The following KIF13A variants were observed in gnomAD, a reference collection of about 807,000 sequenced individuals.
The protein encoded by KIF13A is kinesin family member 13A.
A neutral mutation model predicts 212.2 loss-of-function variants in KIF13A; 79 were observed. The ratio of observed to expected loss-of-function variants is 0.37; its 90% CI spans 0.31 to 0.45. The LOEUF (loss-of-function observed/expected upper bound fraction) is 0.45. Ranked by LOEUF, KIF13A falls within the 20% of genes least tolerant of loss-of-function variation. The probability of loss-of-function intolerance (pLI) is 1.00; values close to 1 mark genes in which losing one functional copy is unlikely to be tolerated. For missense variants in KIF13A, 1,901 were observed against 2,209.0 expected (o/e 0.86, Z 2.79); for synonymous variants, 789 against 808.6 (o/e 0.98, Z 0.41).
intron 2 of KIF13A, among the ~76,000 whole-genome samples, chr6:17,945,283 C>A (rs543111778): frequency 6.6e-6 from 1 of 152,014 alleles, no homozygotes; most frequent in African/African-American, 2.4e-5. Flanking sequence ...TGTATGATTC[C>A]ATTTATGTAA....
At chr6:17,763,475 CAAAAAA>C (rs67357010), downstream of KIF13A, among the ~76,000 whole-genome samples, 5 of 75,770 alleles carry the variant, frequency 6.6e-5, no homozygotes, top group East Asian at 3.2e-4. Flanking sequence ...CACTCCATCT[CAAAAAA>C]AAAAAAAAAA....
At chr6:17,770,901 A>C in intron 38 of KIF13A, 5 of 537,342 alleles carry the variant, frequency 9.3e-6, no homozygotes, top group Non-Finnish European at 1.5e-5. Flanking sequence ...TTTTCTAAGC[A>C]AACTTAAGCA....
At chr6:17,862,336 C>T (rs1056932233) in intron 4 of KIF13A, among the ~76,000 whole-genome samples, 27 of 152,082 alleles carry the variant, frequency 1.8e-4, no homozygotes, top group East Asian at 5.8e-4. Context: ...TACCATAGTG[C>T]GTGGCCAGTA....
chr6:17,805,686 C>T (rs1335050437), intron 18 of KIF13A, 71 bp from the exon 19 acceptor site: 17 of 1,360,442 alleles, frequency 1.2e-5, no homozygotes, highest in Admixed American at 9.2e-5. Context: ...AATATATATA[C>T]AACAGTAACA....
At chr6:17,916,682 T>G (rs993535382) in intron 2 of KIF13A, among the ~76,000 whole-genome samples, 2 of 152,164 alleles carry the variant, frequency 1.3e-5, no homozygotes, top group Non-Finnish European at 2.9e-5. Context: ...CTCCTCAAAT[T>G]GTATAGGAAA....
At chr6:17,767,958 C>T (rs1423459043) in intron 38 of KIF13A, among the ~76,000 whole-genome samples, 2 of 152,050 alleles carry the variant, frequency 1.3e-5, no homozygotes, top group African/African-American at 2.4e-5. Context: ...AAATAGGGAG[C>T]AGTTCACAGT....
intron 2 of KIF13A, among the ~76,000 whole-genome samples, chr6:17,980,712 A>G (rs1250364385): frequency 1.3e-5 from 2 of 152,254 alleles, no homozygotes; most frequent in African/African-American, 4.8e-5. Context: ...ACGCCAGGCA[A>G]AACAAAAAGT....
At chr6:17,859,589 T>C (rs1406147496) in intron 4 of KIF13A, among the ~76,000 whole-genome samples, 1 of 149,228 alleles carries the variant, frequency 6.7e-6, no homozygotes, top group Non-Finnish European at 1.5e-5. Flanking sequence ...GCAAAGATAA[T>C]TTTTATCAAC....
At chr6:17,877,677 T>G in intron 3 of KIF13A, among the ~76,000 whole-genome samples, 1 of 152,172 alleles carries the variant, frequency 6.6e-6, no homozygotes, top group East Asian at 1.9e-4. Context: ...CTTTTTGTTT[T>G]TTTTGAAGTA....
intron 38 of KIF13A, among the ~76,000 whole-genome samples, chr6:17,770,196 C>T (rs1759364012): frequency 6.6e-6 from 1 of 151,250 alleles, no homozygotes; most frequent in South Asian, 2.1e-4. Context: ...GAAAATGAGA[C>T]TCCCTACACT....
Position 17,898,146 on chromosome 6 carries a change from CA to C in KIF13A, c.159+21del. On this transcript the variant is annotated intron_variant, in intron 3 of 38. Transcript: ENST00000259711. The surrounding 1 kb of genome is among the most constrained non-coding windows in gnomAD (Gnocchi z 5.2). ...TTGCACACTAAGCCAGTATACATGC[CA>C]AATTTCATATTAGTGCTTACCTTGG... 6.2e-7 allele frequency: 1 copy of C among 1,611,126 alleles called. No homozygotes were observed. The highest frequency in any genetic ancestry group is 1.3e-5 in the African/African-American group (1 of 74,796).
chr6:17,863,434 T>A (rs1206610115), intron 4 of KIF13A, among the ~76,000 whole-genome samples: 1 of 151,784 alleles, frequency 6.6e-6, no homozygotes, highest in African/African-American at 2.4e-5. Context: ...TAAAAAACTA[T>A]ATCAGCAAAA....
intron 23 of KIF13A, 26 bp downstream of exon 23, chr6:17,796,643 C>G (rs879017452): frequency 7.0e-7 from 1 of 1,435,544 alleles, no homozygotes; most frequent in South Asian, 1.5e-5. Flanking sequence ...TAACCTTGTA[C>G]CTAAAGCTCA....
At chr6:17,860,625 A>G (rs1768671497) in intron 4 of KIF13A, among the ~76,000 whole-genome samples, 1 of 152,168 alleles carries the variant, frequency 6.6e-6, no homozygotes, top group African/African-American at 2.4e-5. Flanking sequence ...TGTTTTCAGA[A>G]AAATGTATTT....
intron 3 of KIF13A, among the ~76,000 whole-genome samples, chr6:17,877,987 G>C (rs911238050): frequency 1.3e-5 from 2 of 152,160 alleles, no homozygotes; most frequent in Non-Finnish European, 2.9e-5. Flanking sequence ...CTAAGCGCTA[G>C]AATTATAGCA....
At chr6:17,933,746 T>A (rs184151946) in intron 2 of KIF13A, among the ~76,000 whole-genome samples, 3 of 152,322 alleles carry the variant, frequency 2.0e-5, no homozygotes, top group Admixed American at 6.5e-5. Context: ...AAACTTCCAA[T>A]GCAGAAGCAA....
At chr6:17,775,595 G>A (rs2150298426) in intron 34 of KIF13A, among the ~76,000 whole-genome samples, 1 of 152,264 alleles carries the variant, frequency 6.6e-6, no homozygotes, top group Admixed American at 6.5e-5. Flanking sequence ...TCTCATCAAC[G>A]AGCATAGTAA....
In KIF13A at chr6:17,783,716, A is replaced by AC. The variant is rs1331575192; in HGVS notation, c.3489-16_3489-15insG. 6.0e-6 allele frequency: 9 copies of AC among 1,504,062 alleles called. No individual in the cohort carries two copies. The African/African-American group carries it at 1.2e-4, about 21-fold the overall frequency. The allele number at this position is 1,504,062 out of a possible 1,614,324, so 93.2% of individuals were successfully genotyped here. ...GAGGTGGGATCCTAAATTTAATAAC[A>AC]ACATTTAATCATAACAAAATATGTA... On this transcript the variant is annotated splice_polypyrimidine_tract_variant and intron_variant, in intron 28 of 38. Transcript: ENST00000259711. This position sits in a 1 kb window ranked among gnomAD's most constrained non-coding sequence, Gnocchi z 4.3.
rs1189202099 is a variant in KIF13A at position 17,771,654 on chromosome 6, C to G, written c.4476+254G>C. On this transcript the variant is annotated intron_variant, in intron 37 of 38. Transcript: ENST00000259711. The surrounding 1 kb of genome is among the most constrained non-coding windows in gnomAD (Gnocchi z 5.4). ...TCTTTTCAAAACACCTAGAAAACAT[C>G]TTTCTCACTTGAAACATAAAAAAAT... is the stretch of plus-strand genomic sequence containing the variant. 2.5e-6 allele frequency: 1 copy of G among 401,542 alleles called. No individual in the cohort carries two copies. 24.9% of individuals were successfully genotyped at this position (401,542 alleles called of 1,614,324 possible).
Sources: gnomAD v4.1 joint callset for allele counts (sites outside exome capture counted in the v4.1 genomes callset) on GRCh38, gnomAD v4.1.1 for gene constraint, Gnocchi (gnomAD v3.1) non-coding constraint, MANE v1.5 for transcripts, NCBI Gene and HGNC (gene_info 2026-07-23, HGNC 2026-07-21) for gene names.